The following BRD9 variants were observed in gnomAD, a reference collection of about 807,000 sequenced individuals.
BRD9 encodes bromodomain-containing protein 9.
A neutral mutation model predicts 68.7 loss-of-function variants in BRD9; 47 were observed. That is an observed-to-expected ratio of 0.68 (90% CI 0.54 to 0.87). The LOEUF (loss-of-function observed/expected upper bound fraction) is 0.87. BRD9 is among the 40% of genes least tolerant of loss of function. BRD9 has a pLI of 0.00. For synonymous variants in BRD9, 313 were observed against 293.9 expected (o/e 1.06, Z -0.67); for missense variants, 670 against 748.4 (o/e 0.90, Z 1.22).
At chr5:866,528 C>T (rs1749406698) in intron 14 of BRD9, 1 of 152,262 alleles carries the variant, frequency 6.6e-6, no homozygotes, top group African/African-American at 2.4e-5. Flanking sequence ...TAGAGACTTC[C>T]TGCATGGCTA....
At chr5:873,489 C>T (rs1441422041) in intron 12 of BRD9, among the ~76,000 whole-genome samples, 1 of 152,170 alleles carries the variant, frequency 6.6e-6, no homozygotes, top group Non-Finnish European at 1.5e-5. Context: ...ACCTATAAGG[C>T]CCTGCTTGCA....
intron 14 of BRD9, among the ~76,000 whole-genome samples, chr5:867,619 G>A (rs1749552858): frequency 1.3e-5 from 2 of 152,268 alleles, no homozygotes; most frequent in Admixed American, 1.3e-4. Flanking sequence ...AGGAATCAAA[G>A]AAGATTCTTT....
At chr5:869,861 A>G (rs78452750) in intron 14 of BRD9, among the ~76,000 whole-genome samples, 1,654 of 152,294 alleles carry the variant, frequency 0.011, 13 homozygotes, top group Non-Finnish European at 0.019. Flanking sequence ...TCCCTAAAAC[A>G]TATCAAAACA....
chr5:892,493 C>A, intron 1 of BRD9, 113 bp downstream of exon 1: 1 of 1,467,848 alleles, frequency 6.8e-7, no homozygotes, highest in Non-Finnish European at 9.0e-7. Context: ...CAGAACCCCT[C>A]CCTCGTGGCC....
At chr5:870,303 G>C in intron 14 of BRD9, 170 bp downstream of exon 14, 1 of 600,024 alleles carries the variant, frequency 1.7e-6, no homozygotes, top group Non-Finnish European at 3.0e-6. Context: ...AGATTCCAAG[G>C]ATTTTAGGAG....
At chr5:881,275 G>T in intron 8 of BRD9, 93 bp from the exon 9 acceptor site, 1 of 1,214,110 alleles carries the variant, frequency 8.2e-7, no homozygotes, top group Non-Finnish European at 1.2e-6. Flanking sequence ...TAATGGGGGT[G>T]AAAGCACATT....
intron 11 of BRD9, among the ~76,000 whole-genome samples, chr5:877,883 GAC>G (rs942903293): frequency 1.3e-5 from 2 of 152,138 alleles, no homozygotes; most frequent in African/African-American, 4.8e-5. Flanking sequence ...GAGAGCCGAG[GAC>G]ACAGACACAC....
At chr5:886,849 T>G in intron 6 of BRD9, 142 bp from the exon 7 acceptor site, 1 of 1,438,482 alleles carries the variant, frequency 7.0e-7, no homozygotes, top group Non-Finnish European at 9.4e-7. Context: ...GGGATGGGGA[T>G]GGTCACAGCC....
intron 14 of BRD9, among the ~76,000 whole-genome samples, chr5:867,264 A>G (rs769752657): frequency 9.9e-5 from 15 of 152,250 alleles, no homozygotes; most frequent in Non-Finnish European, 1.5e-4. Context: ...GGATGTATGG[A>G]AAAGCCAGGG....
intron 7 of BRD9, among the ~76,000 whole-genome samples, chr5:884,357 CA>C (rs1752246224): frequency 6.6e-6 from 1 of 152,216 alleles, no homozygotes. Context: ...ACAAAAGCAA[CA>C]AAGTAACAGA....
intron 7 of BRD9, among the ~76,000 whole-genome samples, chr5:885,697 T>C (rs989133842): frequency 2.0e-5 from 3 of 152,208 alleles, no homozygotes; most frequent in Non-Finnish European, 2.9e-5. Flanking sequence ...TGAGGGTGGA[T>C]GTCCTGAGAC....
Position 891,765 on chromosome 5 carries a change from C to T in BRD9, c.142G>A (p.Asp48Asn). Residue 48 changes from aspartate to asparagine, a missense_variant, in exon 2 of 16, where the codon GAC becomes AAC. Asp to Asn is a conservative substitution (Grantham distance 23). This residue lies in a region of BRD9 where 161 missense variants were observed against 148.1 expected (regional missense o/e 1.09). Transcript: ENST00000467963. ...GACCTGTCATCATAGTAACTGGAGT[C>T]GTGGCCGGATCCTGAGAGTTCAGTC... Reference protein sequence around the residue: ...EVTELSGSGHDSSYYDDRSDH... With the variant: ...EVTELSGSGHNSSYYDDRSDH... 1 of 1,551,620 alleles carries T rather than the reference C, an allele frequency of 6.4e-7. No individual in the cohort carries two copies. Among genetic ancestry groups the T allele is most frequent in the Non-Finnish European group, 8.7e-7 (1 of 1,146,994 alleles).
In BRD9 at chr5:864,463, T is replaced by C; in HGVS notation, c.*5A>G. Reference sequence around the variant, plus strand: ...TAAAATAAAAGAGCTGAAGGTGGTCTAGAGTTAGGTCTTGGCAGAGGCCGC... The same window carrying C: ...TAAAATAAAAGAGCTGAAGGTGGTCCAGAGTTAGGTCTTGGCAGAGGCCGC... On this transcript the variant is annotated 3_prime_UTR_variant, in exon 16 of 16. Coordinates refer to ENST00000467963, the MANE Select transcript of BRD9 (RefSeq NM_023924.5). The C allele has an allele frequency of 6.3e-7, 1 of 1,597,014 alleles. No individual in the cohort carries two copies. The highest frequency in any genetic ancestry group is 8.5e-7 in the Non-Finnish European group (1 of 1,170,374).
At chr5:865,748 C>A (rs879542579) in intron 14 of BRD9, 167 bp from the exon 15 acceptor site, 3 of 701,308 alleles carry the variant, frequency 4.3e-6, no homozygotes, top group African/African-American at 1.8e-5. Flanking sequence ...GCCTGGAGGA[C>A]AGACATTACC....
chr5:882,524 C>T (rs73733946), intron 8 of BRD9: 5,660 of 159,484 alleles, frequency 0.035, 317 homozygotes, highest in African/African-American at 0.13. Flanking sequence ...CCCCCCAACA[C>T]GCAAGCCACA....
Position 870,518 on chromosome 5 carries a change from A to G in BRD9, c.1480T>C (p.Ser494Pro). Reference sequence around the variant, plus strand: ...ATATCCACAGAAACGTCGGGATAGGACTTCATCGACATGAACTCCAGAACA... The same window carrying G: ...ATATCCACAGAAACGTCGGGATAGGGCTTCATCGACATGAACTCCAGAACA... ...SSVLEFMSMK[S>P]YPDVSVDISM... Residue 494 changes from serine (S) to proline (P), a missense_variant, in exon 14 of 16, where the codon TCC becomes CCC. Physicochemically the swap from Ser to Pro is moderately conservative, Grantham distance 74 (BLOSUM62 -1). Transcript: ENST00000467963. 1 of 1,614,202 alleles carries G rather than the reference A, an allele frequency of 6.2e-7. No homozygotes were observed. The highest frequency in any genetic ancestry group is 8.5e-7 in the Non-Finnish European group (1 of 1,180,032).
At chr5:872,387 C>A (rs1474493227) in intron 12 of BRD9, among the ~76,000 whole-genome samples, 1 of 152,214 alleles carries the variant, frequency 6.6e-6, no homozygotes, top group Non-Finnish European at 1.5e-5. Context: ...ACTCCATATC[C>A]AAGTTCACTT....
chr5:892,014 T>C, intron 1 of BRD9, 160 bp from the exon 2 acceptor site: 1 of 1,165,474 alleles, frequency 8.6e-7, no homozygotes. Context: ...AGTGGCGGCA[T>C]GTCACTGCCT....
In BRD9 at chr5:870,521, T is replaced by C. The variant is rs1236772779; in HGVS notation, c.1477A>G (p.Lys493Glu). ...SSSVLEFMSM[K>E]SYPDVSVDIS... Reference sequence around the variant, plus strand: ...TCCACAGAAACGTCGGGATAGGACTTCATCGACATGAACTCCAGAACAGAG... The same window carrying C: ...TCCACAGAAACGTCGGGATAGGACTCCATCGACATGAACTCCAGAACAGAG... Residue 493 changes from lysine (K) to glutamate (E), a missense_variant, in exon 14 of 16, where the codon AAG becomes GAG. By Grantham distance (56) the Lys-to-Glu change is moderately conservative. Around this residue, in one of 5 missense-constraint regions of BRD9, gnomAD observed 280 missense variants for 281.5 expected, o/e 0.99. Transcript: ENST00000467963. The C allele has an allele frequency of 6.2e-7, 1 of 1,614,098 alleles. No individual in the cohort carries two copies. Among genetic ancestry groups the C allele is most frequent in the Non-Finnish European group, 8.5e-7 (1 of 1,180,044 alleles).
Sources: gnomAD v4.1 joint callset for allele counts (sites outside exome capture counted in the v4.1 genomes callset) on GRCh38, gnomAD v4.1.1 for gene constraint, gnomAD v4.1.1 regional missense constraint, MANE v1.5 for transcripts, NCBI Gene and HGNC (gene_info 2026-07-23, HGNC 2026-07-21) for gene names.